The following KLHL8 variants were observed in gnomAD, a reference collection of about 807,000 sequenced individuals.
KLHL8 encodes the protein kelch like family member 8, also known as kelch-like protein 8.
KLHL8 carries 38 observed loss-of-function variants against 63.5 expected under a neutral mutation model. That is an observed-to-expected ratio of 0.60 (90% confidence interval 0.46 to 0.78). The LOEUF (loss-of-function observed/expected upper bound fraction) is 0.78. KLHL8 is among the 30% of genes least tolerant of loss of function. The pLI, the probability that KLHL8 is intolerant of heterozygous loss-of-function variation, is 0.00. For missense variants in KLHL8, 566 were observed against 752.4 expected (o/e 0.75, Z 2.90); for synonymous variants, 224 against 254.3 (o/e 0.88, Z 1.13).
chr4:87,232,980 T>A (rs1281473938), intron 1 of KLHL8, among the ~76,000 whole-genome samples: 2 of 152,106 alleles, frequency 1.3e-5, no homozygotes, highest in Non-Finnish European at 2.9e-5. Flanking sequence ...CTTCTTCCAG[T>A]TTGTGACTTG....
At chr4:87,218,846 T>G (rs1732705179) in intron 1 of KLHL8, among the ~76,000 whole-genome samples, 1 of 152,166 alleles carries the variant, frequency 6.6e-6, no homozygotes. Context: ...GCCATTCTCC[T>G]GTCTTAGCCT....
chr4:87,202,930 C>T (rs948621468), intron 1 of KLHL8, among the ~76,000 whole-genome samples: 2 of 152,024 alleles, frequency 1.3e-5, no homozygotes, highest in Non-Finnish European at 2.9e-5. Context: ...CAAATATAAT[C>T]CAGCAAAATA....
intron 2 of KLHL8, among the ~76,000 whole-genome samples, chr4:87,189,307 T>A (rs1731385807): frequency 6.6e-6 from 1 of 152,200 alleles, no homozygotes; most frequent in South Asian, 2.1e-4. Flanking sequence ...TTAGGCCAAG[T>A]TTAAAATACA....
Position 87,186,481 on chromosome 4 carries a change from C to CT in KLHL8, c.217-683dup, listed in dbSNP as rs753634845. 9.7e-3 allele frequency among the ~76,000 whole-genome samples: 1,309 copies of CT among 134,580 alleles called. 12 individuals carry two copies. Among genetic ancestry groups the CT allele is most frequent in the African/African-American group, 0.029 (1,075 of 36,808 alleles). 88.3% of individuals were successfully genotyped at this position (134,580 alleles called of 152,430 possible). On this transcript the variant is annotated intron_variant, in intron 2 of 9. Transcript: ENST00000273963. ...TACATGCCAACCACTATTGTAAGTG[C>CT]TTTTTTTTTTTTTTTTGAAATAGGG... is the stretch of plus-strand genomic sequence containing the variant.
At chr4:87,207,788 T>A in intron 1 of KLHL8, 1 of 912,152 alleles carries the variant, frequency 1.1e-6, no homozygotes. Context: ...GCCTTCTGTG[T>A]CACCACTGCC....
rs1730839535 is a variant in KLHL8 at position 87,176,866 on chromosome 4, T to C, written c.1099A>G (p.Lys367Glu). 1 of 1,550,190 alleles carries C rather than the reference T, an allele frequency of 6.5e-7. No homozygotes were observed. The highest frequency in any genetic ancestry group is 2.3e-5 in the East Asian group (1 of 44,152). ...TCATGTCCACCTACTGCATACACTTTACCTGTCAAATAGAGAAGTATTTTC... is the reference window on the plus strand; with the variant it reads ...TCATGTCCACCTACTGCATACACTTCACCTGTCAAATAGAGAAGTATTTTC... ...RHVGVISVEG[K>E]VYAVGGHDGN... The change falls in exon 6 of 10, where the codon AAA (lysine) becomes GAA (glutamate). Residue 367 changes from lysine (K) to glutamate (E), a missense_variant and splice_region_variant. By Grantham distance (56) the Lys-to-Glu change is moderately conservative. Transcript: ENST00000273963.
At chr4:87,201,227 G>A (rs1338572489) in intron 1 of KLHL8, among the ~76,000 whole-genome samples, 1 of 152,156 alleles carries the variant, frequency 6.6e-6, no homozygotes, top group African/African-American at 2.4e-5. Flanking sequence ...CTAGTGTACT[G>A]TACACTTGAA....
At chr4:87,193,549 T>C (rs1368292372) in intron 2 of KLHL8, among the ~76,000 whole-genome samples, 1 of 152,240 alleles carries the variant, frequency 6.6e-6, no homozygotes, top group Non-Finnish European at 1.5e-5. Flanking sequence ...GTAATGTTTC[T>C]TCTTTAGAAG....
intron 1 of KLHL8, among the ~76,000 whole-genome samples, chr4:87,232,573 C>A (rs964493924): frequency 4.6e-5 from 7 of 152,112 alleles, no homozygotes; most frequent in Admixed American, 3.9e-4. Context: ...TGCATGACTT[C>A]GATGTAACTA....
rs62306559 is a variant in KLHL8 at position 87,195,646 on chromosome 4, C to T, written c.-107G>A. The T allele has an allele frequency of 0.029, 25,856 of 887,410 alleles. 474 individuals are homozygous for T. Among genetic ancestry groups the T allele is most frequent in the Non-Finnish European group, 0.035 (20,087 of 572,470 alleles). The allele number at this position is 887,410 out of a possible 1,614,324, so 55.0% of individuals were successfully genotyped here. A position where few individuals can be genotyped will look rare whatever the true frequency, so the allele number is the denominator to read the frequency against. ...GTAGATGTAGACACTACAATTCAGACGTTTTTCAAAACCCACTCAACTGCC... is the reference window on the plus strand; with the variant it reads ...GTAGATGTAGACACTACAATTCAGATGTTTTTCAAAACCCACTCAACTGCC... On this transcript the variant is annotated 5_prime_UTR_variant, in exon 2 of 10. Coordinates refer to ENST00000273963, the MANE Select transcript of KLHL8 (RefSeq NM_020803.5).
intron 1 of KLHL8, among the ~76,000 whole-genome samples, chr4:87,199,818 A>C (rs1731839522): frequency 6.6e-6 from 1 of 151,808 alleles, no homozygotes; most frequent in East Asian, 1.9e-4. Context: ...TACAGCAAGC[A>C]CCTGTCTCAA....
rs528038289 is a variant in KLHL8 at position 87,207,304 on chromosome 4, A to G, written c.-151-11614T>C. 24 of 599,458 alleles carry G rather than the reference A, an allele frequency of 4.0e-5. No homozygotes were observed. The African/African-American group carries it at 4.2e-4, about 10-fold the overall frequency. 37.1% of individuals were successfully genotyped at this position (599,458 alleles called of 1,614,324 possible). The stretch of plus-strand genomic sequence containing the variant: ...GAAGCTTGTCATCAGTGGAAATCCC[A>G]TTACCATCTTCCAGGAGCGAGATCC... On this transcript the variant is annotated intron_variant, in intron 1 of 9. Coordinates refer to ENST00000273963, the MANE Select transcript of KLHL8 (RefSeq NM_020803.5).
rs566876243 is a variant in KLHL8 at position 87,195,468 on chromosome 4, G to C, written c.72C>G (p.His24Gln). The change falls in exon 2 of 10, where the codon CAC becomes CAG. Residue 24 changes from histidine (H) to glutamine (Q), a missense_variant. Transcript: ENST00000273963. ...HITKGKRQQQ[H>Q]QQIKNRSSIS... ...TTGAGGATCTGTTCTTTATTTGCTG[G>C]TGCTGTTGTTGCCTTTTCCCCTTTG... 1.1e-5 allele frequency: 17 copies of C among 1,613,856 alleles called. No homozygotes were observed. In the South Asian group the frequency reaches 1.4e-4, roughly 14 times the overall value.
At chr4:87,226,948 T>TATATAAATAATATATA (rs1733032314) in intron 1 of KLHL8, among the ~76,000 whole-genome samples, 2 of 39,870 alleles carry the variant, frequency 5.0e-5, no homozygotes, top group Non-Finnish European at 9.4e-5. Context: ...TAATATATAT[T>TATATAAATAATATATA]ATATATAAGT....
chr4:87,164,966 G>A (rs1038332214), intron 8 of KLHL8, among the ~76,000 whole-genome samples: 4 of 151,972 alleles, frequency 2.6e-5, no homozygotes, highest in African/African-American at 4.8e-5. Flanking sequence ...GGCTAACACG[G>A]TGAAACCCCG....
chr4:87,193,668 T>C (rs1271044194), intron 2 of KLHL8, among the ~76,000 whole-genome samples: 1 of 152,202 alleles, frequency 6.6e-6, no homozygotes, highest in African/African-American at 2.4e-5. Flanking sequence ...TATAACCATG[T>C]GTTATACCTT....
intron 4 of KLHL8, 25 bp from the exon 5 acceptor site, chr4:87,178,645 G>C (rs370451126): frequency 9.0e-5 from 133 of 1,481,670 alleles, no homozygotes; most frequent in Non-Finnish European, 1.1e-4. Context: ...ACAAAATAGA[G>C]ATAAATCATA....
chr4:87,197,624 T>C (rs1382377901), intron 1 of KLHL8, among the ~76,000 whole-genome samples: 1 of 152,236 alleles, frequency 6.6e-6, no homozygotes, highest in African/African-American at 2.4e-5. Context: ...CATGTTATTT[T>C]AAGCCACTAA....
chr4:87,197,719 T>C (rs1474936958), intron 1 of KLHL8, among the ~76,000 whole-genome samples: 4 of 152,176 alleles, frequency 2.6e-5, no homozygotes, highest in East Asian at 1.9e-4. Flanking sequence ...AAAGCATCTA[T>C]AGATATTCTA....
Sources: gnomAD v4.1 joint callset for allele counts (sites outside exome capture counted in the v4.1 genomes callset) on GRCh38, gnomAD v4.1.1 for gene constraint, MANE v1.5 for transcripts, NCBI Gene and HGNC (gene_info 2026-07-23, HGNC 2026-07-21) for gene names.